CCDC171: variants seen among roughly 807,000 people sequenced by gnomAD.
CCDC171 encodes the protein coiled-coil domain containing 171, also known as coiled-coil domain-containing protein 171.
A neutral mutation model predicts 168.2 loss-of-function variants in CCDC171; 177 were observed. The observed-to-expected ratio is 1.05, with a 90% CI of 0.93 to 1.19. The LOEUF is 1.19. Ranked by LOEUF, CCDC171 falls within the 50% of genes most tolerant of loss-of-function variation. The pLI is 0.00. For synonymous variants in CCDC171, 687 were observed against 540.8 expected (o/e 1.27, Z -3.75); for missense variants, 1,991 against 1,539.0 (o/e 1.29, Z -4.91).
intron 25 of CCDC171, chr9:15,922,198 C>T (rs1406583530): frequency 7.8e-6 from 3 of 386,482 alleles, no homozygotes; most frequent in Admixed American, 7.2e-5. Context: ...CCAGGTGATT[C>T]TGATGTATCC....
intron 21 of CCDC171, among the ~76,000 whole-genome samples, chr9:15,822,655 G>T (rs1012450833): frequency 5.9e-5 from 9 of 152,206 alleles, no homozygotes; most frequent in African/African-American, 2.2e-4. Context: ...ACAGCAGTTA[G>T]AATGGCGATC....
chr9:16,064,609 A>C (rs146206043), downstream of CCDC171, among the ~76,000 whole-genome samples: 1 of 152,162 alleles, frequency 6.6e-6, no homozygotes, highest in Non-Finnish European at 1.5e-5. Context: ...TTGGCTCTCA[A>C]TGAGGATCTT....
intron 24 of CCDC171, among the ~76,000 whole-genome samples, chr9:15,900,631 T>C (rs1821503514): frequency 6.6e-6 from 1 of 152,214 alleles, no homozygotes; most frequent in Non-Finnish European, 1.5e-5. Flanking sequence ...CAGCATGCAA[T>C]ACAGATTTCA....
chr9:15,932,439 T>C (rs989330142), intron 25 of CCDC171, among the ~76,000 whole-genome samples: 8 of 151,930 alleles, frequency 5.3e-5, no homozygotes, highest in African/African-American at 1.2e-4. Context: ...AAAATGCTGC[T>C]GATTTCTTAT....
intron 24 of CCDC171, chr9:15,882,993 C>CCTGCCTTCCTTT (rs1818868324): frequency 9.0e-6 from 1 of 111,502 alleles, no homozygotes; most frequent in East Asian, 5.0e-4. Context: ...TGCCTGCCTG[C>CCTGCCTTCCTTT]CTTCCTTCCT....
At chr9:15,929,254 T>C (rs971791273) in intron 25 of CCDC171, among the ~76,000 whole-genome samples, 3 of 151,860 alleles carry the variant, frequency 2.0e-5, no homozygotes, top group Non-Finnish European at 2.9e-5. Flanking sequence ...CATAATGCTC[T>C]AATTATTCCT....
At chr9:16,108,314 T>C in the CCDC171 span, among the ~76,000 whole-genome samples, 3 of 152,240 alleles carry the variant, frequency 2.0e-5, no homozygotes, top group Non-Finnish European at 4.4e-5. Flanking sequence ...AAACACTTTG[T>C]CTTCTTGCTT....
intron 6 of CCDC171, among the ~76,000 whole-genome samples, chr9:15,613,068 T>C (rs1373303250): frequency 6.6e-6 from 1 of 152,222 alleles, no homozygotes; most frequent in Non-Finnish European, 1.5e-5. Flanking sequence ...CTCTTGGGTA[T>C]ATACTCAGTA....
At chr9:15,966,921 ATATT>A (rs1830850454) in intron 25 of CCDC171, among the ~76,000 whole-genome samples, 2 of 152,024 alleles carry the variant, frequency 1.3e-5, no homozygotes, top group African/African-American at 4.8e-5. Context: ...ATAACTGTGT[ATATT>A]TATATGATGC....
intron 6 of CCDC171, among the ~76,000 whole-genome samples, chr9:15,621,027 G>A (rs1270908930): frequency 2.0e-5 from 3 of 152,100 alleles, no homozygotes; most frequent in Non-Finnish European, 2.9e-5. Flanking sequence ...GTGCAGTGGC[G>A]TGATCTCGAC....
intron 7 of CCDC171, among the ~76,000 whole-genome samples, chr9:15,652,283 A>G (rs1439271297): frequency 6.6e-6 from 1 of 152,184 alleles, no homozygotes; most frequent in African/African-American, 2.4e-5. Flanking sequence ...GCATCATTTA[A>G]TGAAAAGATG....
In CCDC171 at chr9:16,009,247, A is replaced by G. The variant is rs1832791619; in HGVS notation, n.369-11342A>G. Reference sequence around the variant, plus strand: ...GAGTGGTCTGACCTTAGGAGGGGTCAGTGTCTTCATCTAGCTAAAAAGGAA... The same window carrying G: ...GAGTGGTCTGACCTTAGGAGGGGTCGGTGTCTTCATCTAGCTAAAAAGGAA... On this transcript the variant is annotated intron_variant and non_coding_transcript_variant, in intron 3 of 9. Coordinates refer to the CCDC171 transcript ENST00000486641. 2.6e-5 allele frequency among the ~76,000 whole-genome samples: 4 copies of G among 152,244 alleles called. No individual in the cohort carries two copies. The South Asian group carries it at 8.3e-4, about 32-fold the overall frequency.
rs181353191 is a variant in CCDC171 at position 15,565,964 on chromosome 9, A to G, written c.41+1835A>G. Among the ~76,000 whole-genome samples the G allele has an allele frequency of 9.2e-5, 14 of 152,338 alleles. No individual in the cohort carries two copies. In the East Asian group the frequency reaches 1.7e-3, roughly 19 times the overall value. On this transcript the variant is annotated intron_variant, in intron 2 of 25. Transcript: ENST00000380701. Reference sequence around the variant, plus strand: ...TTCTGAAGTGGCTGGGTCATTTTATATTATCACTAGCAATAATTGAGGGTT... The same window carrying G: ...TTCTGAAGTGGCTGGGTCATTTTATGTTATCACTAGCAATAATTGAGGGTT...
rs192024170 is a variant in CCDC171, at chr9:15,869,581, A to T, written c.3469-4951A>T. ...ACAGAGTATATGGTTAACTCTGGCT[A>T]GTTCCCTTCTCTTTGTATTTACAAA... is the stretch of plus-strand genomic sequence containing the variant. On this transcript the variant is annotated intron_variant, in intron 23 of 25. Coordinates refer to ENST00000380701, the MANE Select transcript of CCDC171 (RefSeq NM_173550.4). 1.3e-3 allele frequency among the ~76,000 whole-genome samples: 195 copies of T among 149,314 alleles called. 1 individual carries two copies. The highest frequency in any genetic ancestry group is 1.5e-3 in the Non-Finnish European group (101 of 67,428).
chr9:16,080,466 A>C, the CCDC171 span, among the ~76,000 whole-genome samples: 1 of 151,916 alleles, frequency 6.6e-6, no homozygotes, highest in Non-Finnish European at 1.5e-5. Context: ...CTTTTTCTCT[A>C]TCTCTAAAAT....
intron 23 of CCDC171, among the ~76,000 whole-genome samples, chr9:15,856,261 A>C (rs1410465326): frequency 6.6e-6 from 1 of 152,026 alleles, no homozygotes; most frequent in East Asian, 1.9e-4. Flanking sequence ...GTACAATGTT[A>C]TAAGGCAGAC....
chr9:15,864,381 A>C (rs918700336), intron 23 of CCDC171, among the ~76,000 whole-genome samples: 3 of 152,074 alleles, frequency 2.0e-5, no homozygotes, highest in Non-Finnish European at 4.4e-5. Context: ...ACATATGTAT[A>C]CATGTGCCAT....
intron 8 of CCDC171, among the ~76,000 whole-genome samples, chr9:15,664,914 G>C (rs940918103): frequency 6.6e-6 from 1 of 152,012 alleles, no homozygotes; most frequent in Admixed American, 6.6e-5. Context: ...GGTCAGGCTA[G>C]TCTCGAACTC....
intron 3 of CCDC171, among the ~76,000 whole-genome samples, chr9:15,995,363 C>T (rs1432794502): frequency 1.3e-5 from 2 of 152,188 alleles, no homozygotes; most frequent in Admixed American, 6.5e-5. Flanking sequence ...TTTGTGAAAC[C>T]AGTTGTGAAA....
Sources: gnomAD v4.1 joint callset for allele counts (sites outside exome capture counted in the v4.1 genomes callset) on GRCh38, gnomAD v4.1.1 for gene constraint, MANE v1.5 for transcripts, NCBI Gene and HGNC (gene_info 2026-07-23, HGNC 2026-07-21) for gene names.